SMIM13: variants seen among roughly 807,000 people sequenced by gnomAD.
SMIM13 encodes small integral membrane protein 13.
SMIM13 carries 3 observed loss-of-function variants against 5.9 expected under a neutral mutation model. That is an observed-to-expected ratio of 0.51 (90% CI 0.23 to 1.31). The LOEUF is 1.31. SMIM13 is among the 40% of genes most tolerant of loss of function. The pLI, the probability that SMIM13 is intolerant of heterozygous loss-of-function variation, is 0.18. For synonymous variants in SMIM13, 55 were observed against 46.0 expected (o/e 1.19, Z -0.79); for missense variants, 85 against 109.9 (o/e 0.77, Z 1.01).
chr6:11,119,420 C>A (rs575513319), intron 1 of SMIM13, among the ~76,000 whole-genome samples: 6 of 152,122 alleles, frequency 3.9e-5, no homozygotes, highest in Admixed American at 3.9e-4. Context: ...TTTGGGAAGC[C>A]GAGACAGGCG....
intron 1 of SMIM13, chr6:11,105,311 G>T: frequency 1.2e-6 from 2 of 1,608,550 alleles, no homozygotes; most frequent in South Asian, 2.2e-5. Flanking sequence ...GCAGGCCCAT[G>T]GTGACCTAAG....
At chr6:11,109,450 A>C (rs1758137526) in intron 1 of SMIM13, among the ~76,000 whole-genome samples, 1 of 152,110 alleles carries the variant, frequency 6.6e-6, no homozygotes, top group Non-Finnish European at 1.5e-5. Flanking sequence ...ATAATTGGGT[A>C]GAAGGGGCAA....
Position 11,134,458 on chromosome 6 carries a change from G to C in SMIM13, c.132G>C (p.Leu44=). ...FLSKFKFLRE[L]VGDTGSQEGD... is the part of the protein sequence containing the mutation. ...CAAAATTCAAGTTTCTCCGGGAACTGGTGGGAGACACAGGATCCCAAGAGG... is the reference window on the plus strand; with the variant it reads ...CAAAATTCAAGTTTCTCCGGGAACTCGTGGGAGACACAGGATCCCAAGAGG... The change falls in exon 2 of 2, where the codon CTG becomes CTC. Residue 44 remains leucine, a synonymous_variant. Transcript: ENST00000416247. 1 of 1,551,226 alleles carries C rather than the reference G, an allele frequency of 6.4e-7. No individual in the cohort carries two copies. Among genetic ancestry groups the C allele is most frequent in the Non-Finnish European group, 8.7e-7 (1 of 1,146,682 alleles).
chr6:11,113,414 A>G (rs1246886464), intron 1 of SMIM13, among the ~76,000 whole-genome samples: 2 of 152,160 alleles, frequency 1.3e-5, no homozygotes, highest in Non-Finnish European at 2.9e-5. Flanking sequence ...CATTCTTTCT[A>G]CCTTCTGTGT....
chr6:11,107,980 A>G (rs763110300), intron 1 of SMIM13, among the ~76,000 whole-genome samples: 97 of 152,278 alleles, frequency 6.4e-4, no homozygotes, highest in Non-Finnish European at 9.4e-4. Flanking sequence ...CTCTGGATAA[A>G]TGGGAAGGTC....
In SMIM13 at chr6:11,134,673, C is replaced by G. The variant is rs754475810; in HGVS notation, c.*71C>G. 4.9e-5 allele frequency: 54 copies of G among 1,112,106 alleles called. No individual in the cohort carries two copies. Among genetic ancestry groups the G allele is most frequent in the Middle Eastern group, 3.1e-4 (1 of 3,200 alleles). 68.9% of individuals were successfully genotyped at this position (1,112,106 alleles called of 1,614,324 possible). ...TTTACTGACTTCGCTTTGAAATTTA[C>G]TAATGACTGAAGAACATTTGTATTG... On this transcript the variant is annotated 3_prime_UTR_variant, in exon 2 of 2. Transcript: ENST00000416247.
At chr6:11,126,327 C>T (rs1169437090) in intron 1 of SMIM13, among the ~76,000 whole-genome samples, 1 of 152,200 alleles carries the variant, frequency 6.6e-6, no homozygotes, top group Non-Finnish European at 1.5e-5. Flanking sequence ...GGATTATAGG[C>T]GTGAGCCATG....
Position 11,118,467 on chromosome 6 carries a change from A to G in SMIM13, c.77-15936A>G, listed in dbSNP as rs193091138. ...AATAGTTGATTTGTTTTGAGTATCT[A>G]CTTTGTGCCAGGTGCTACTTTAAGG... On this transcript the variant is annotated intron_variant, in intron 1 of 1. Transcript: ENST00000416247. Among the ~76,000 whole-genome samples the G allele has an allele frequency of 4.1e-4, 62 of 152,316 alleles. 1 individual carries two copies. Among genetic ancestry groups the G allele is most frequent in the Admixed American group, 3.7e-3 (56 of 15,308 alleles).
chr6:11,110,680 G>A (rs1383512777), intron 1 of SMIM13, among the ~76,000 whole-genome samples: 3 of 152,194 alleles, frequency 2.0e-5, no homozygotes, highest in Non-Finnish European at 2.9e-5. Flanking sequence ...GAGAAAGCGG[G>A]AGGAAGCAAG....
intron 1 of SMIM13, 64 bp downstream of exon 1, chr6:11,094,453 T>C: frequency 7.6e-7 from 1 of 1,322,436 alleles, no homozygotes; most frequent in Non-Finnish European, 1.0e-6. Flanking sequence ...CTGGGGTTTT[T>C]TTTGTTGTTT....
intron 1 of SMIM13, among the ~76,000 whole-genome samples, chr6:11,127,737 T>C (rs1043352367): frequency 9.2e-5 from 14 of 152,170 alleles, no homozygotes; most frequent in Non-Finnish European, 1.8e-4. Context: ...CATGATTCAA[T>C]TATCTCCCAC....
intron 1 of SMIM13, among the ~76,000 whole-genome samples, chr6:11,100,074 T>C (rs1403474864): frequency 6.6e-6 from 1 of 152,114 alleles, no homozygotes; most frequent in Non-Finnish European, 1.5e-5. Context: ...GTTTTTGTTT[T>C]TTTTGAGAGG....
chr6:11,100,046 T>TTTTTTG (rs572329180), intron 1 of SMIM13, among the ~76,000 whole-genome samples: 5 of 152,188 alleles, frequency 3.3e-5, no homozygotes, highest in South Asian at 2.1e-4. Context: ...GGTACATTGT[T>TTTTTTG]TTTTTGTTTT....
chr6:11,112,342 C>T (rs558744304), intron 1 of SMIM13, among the ~76,000 whole-genome samples: 144 of 152,190 alleles, frequency 9.5e-4, no homozygotes, highest in African/African-American at 3.2e-3. Flanking sequence ...ACCTCCACCT[C>T]CCGGGTTCAA....
intron 1 of SMIM13, chr6:11,103,797 T>C (rs1355627237): frequency 1.3e-6 from 2 of 1,551,622 alleles, no homozygotes; most frequent in Admixed American, 3.9e-5. Context: ...GGTTATTAGA[T>C]TTAGGAGACA....
At chr6:11,122,343 C>T (rs866695348) in intron 1 of SMIM13, among the ~76,000 whole-genome samples, 7 of 152,206 alleles carry the variant, frequency 4.6e-5, no homozygotes, top group African/African-American at 1.7e-4. Flanking sequence ...GATAATAATT[C>T]TGAACTTGCC....
intron 1 of SMIM13, among the ~76,000 whole-genome samples, chr6:11,113,912 G>T (rs1320523844): frequency 1.3e-5 from 2 of 148,680 alleles, no homozygotes; most frequent in African/African-American, 5.0e-5. Flanking sequence ...GTTTTGTGTT[G>T]TTATTGTTTG....
chr6:11,094,291 C>T lies in SMIM13; in HGVS notation c.-23C>T, dbSNP rs751074312. 9.9e-6 allele frequency: 14 copies of T among 1,408,166 alleles called. No individual in the cohort carries two copies. The African/African-American group carries it at 1.9e-4, about 19-fold the overall frequency. The allele number at this position is 1,408,166 out of a possible 1,614,324, so 87.2% of individuals were successfully genotyped here. A position where few individuals can be genotyped will look rare whatever the true frequency, so the allele number is the denominator to read the frequency against. On this transcript the variant is annotated 5_prime_UTR_variant, in exon 1 of 2. Coordinates refer to ENST00000416247, the MANE Select transcript of SMIM13 (RefSeq NM_001135575.2). ...CGCCGTCCGCGCCAGCCGCCCCGAG[C>T]CGACTGCCCTTCTGCCCCCAAGATG... is the stretch of plus-strand genomic sequence containing the variant.
chr6:11,095,648 G>A (rs1672467994), intron 1 of SMIM13, among the ~76,000 whole-genome samples: 1 of 152,170 alleles, frequency 6.6e-6, no homozygotes, highest in Non-Finnish European at 1.5e-5. Context: ...CACTGCATCC[G>A]GCCTTGTATG....
Sources: gnomAD v4.1 joint callset for allele counts (sites outside exome capture counted in the v4.1 genomes callset) on GRCh38, gnomAD v4.1.1 for gene constraint, MANE v1.5 for transcripts, NCBI Gene and HGNC (gene_info 2026-07-23, HGNC 2026-07-21) for gene names.